PWWP3B: variants seen among roughly 807,000 people sequenced by gnomAD.
PWWP3B encodes the protein PWWP domain-containing DNA repair factor 3B.
PWWP3B carries 5 observed loss-of-function variants against 15.7 expected under a neutral mutation model. The observed-to-expected ratio is 0.32, with a 90% CI of 0.17 to 0.67. The LOEUF is 0.67. Among genes scored for constraint, PWWP3B ranks in the 30% least tolerant of loss-of-function variants. PWWP3B has a pLI of 0.74. For synonymous variants in PWWP3B, 203 were observed against 179.8 expected (o/e 1.13, Z -1.03); for missense variants, 519 against 493.1 (o/e 1.05, Z -0.50).
chrX:106,187,211 C>T (rs1223284870), intron 2 of PWWP3B, among the ~76,000 whole-genome samples: 1 of 112,195 alleles, frequency 8.9e-6, no homozygotes, highest in Non-Finnish European at 1.9e-5. Context: ...CCAGGAAGAA[C>T]TCTGAAGTTT....
chrX:106,195,889 A>T (rs1018852708), intron 2 of PWWP3B, among the ~76,000 whole-genome samples: 7 of 111,659 alleles, frequency 6.3e-5, no homozygotes, highest in African/African-American at 2.0e-4. Flanking sequence ...GAGATATAAC[A>T]TCCTAAAAAT....
chrX:106,183,379 A>G (rs909217748), intron 2 of PWWP3B, among the ~76,000 whole-genome samples: 2 of 111,496 alleles, frequency 1.8e-5, no homozygotes, highest in African/African-American at 6.5e-5. Flanking sequence ...ATTGCTTTTG[A>G]TAAGGAAAAG....
chrX:106,195,759 G>T (rs941129150), intron 2 of PWWP3B, among the ~76,000 whole-genome samples: 1 of 111,586 alleles, frequency 9.0e-6, no homozygotes, highest in African/African-American at 3.3e-5. Context: ...CTCAAAATTT[G>T]TCTGGCTGTT....
intron 2 of PWWP3B, among the ~76,000 whole-genome samples, chrX:106,189,577 G>C (rs1362441527): frequency 9.3e-6 from 1 of 107,903 alleles, no homozygotes; most frequent in Non-Finnish European, 1.9e-5. Context: ...TTTTATGGCT[G>C]CATAGTATTC....
chrX:106,190,820 G>A (rs1362078372), intron 2 of PWWP3B, among the ~76,000 whole-genome samples: 1 of 111,415 alleles, frequency 9.0e-6, no homozygotes, highest in African/African-American at 3.3e-5. Flanking sequence ...CCCATTGCTT[G>A]TTTTTCTCAG....
rs752705563 is a variant in PWWP3B, at chrX:106,207,096, A to G, written c.1664A>G (p.Asn555Ser). The change falls in exon 4 of 4, where the codon AAC (asparagine) becomes AGC (serine). Residue 555 changes from asparagine (N) to serine (S), a missense_variant. Transcript: ENST00000357175. The stretch of plus-strand genomic sequence containing the variant: ...GCTGCTCGGGACCGAGCCAACAAGA[A>G]CCTGGTGGACTTCATTGTGAATGCA... ...MKAARDRANK[N>S]LVDFIVNAKG... The G allele has an allele frequency of 8.3e-6, 10 of 1,205,088 alleles. No individual in the cohort carries two copies. The highest frequency in any genetic ancestry group is 1.0e-5 in the Non-Finnish European group (9 of 892,484).
At chrX:106,183,888 G>A (rs1336759989) in intron 2 of PWWP3B, among the ~76,000 whole-genome samples, 5 of 112,543 alleles carry the variant, frequency 4.4e-5, no homozygotes, top group African/African-American at 1.6e-4. Context: ...TTCTGGCCCA[G>A]AGAACCTTTG....
At chrX:106,187,705 C>T (rs1354917469) in intron 2 of PWWP3B, among the ~76,000 whole-genome samples, 2 of 111,556 alleles carry the variant, frequency 1.8e-5, no homozygotes, top group Non-Finnish European at 3.8e-5. Flanking sequence ...TCAGTTGTTA[C>T]TTGTCTGTGC....
chrX:106,203,900 A>G lies in PWWP3B; in HGVS notation c.-400-85A>G, dbSNP rs745613021. The G allele has an allele frequency of 2.0e-4, 23 of 112,579 alleles. No homozygotes were observed. In the South Asian group the frequency reaches 8.4e-3, roughly 41 times the overall value. The allele number at this position is 112,579 out of a possible 1,213,427, so 9.3% of individuals were successfully genotyped here. A position where few individuals can be genotyped will look rare whatever the true frequency, so the allele number is the denominator to read the frequency against. On this transcript the variant is annotated intron_variant, in intron 2 of 3. Coordinates refer to ENST00000357175, the MANE Select transcript of PWWP3B (RefSeq NM_001171020.2). Reference sequence around the variant, plus strand: ...TGCCTCATTCCTATGTTTTAGAATGACATGCCTGTTAAAGTTTAGGTAGGG... The same window carrying G: ...TGCCTCATTCCTATGTTTTAGAATGGCATGCCTGTTAAAGTTTAGGTAGGG...
At chrX:106,193,546 G>A (rs1923151539) in intron 2 of PWWP3B, among the ~76,000 whole-genome samples, 1 of 111,565 alleles carries the variant, frequency 9.0e-6, no homozygotes, top group African/African-American at 3.3e-5. Flanking sequence ...TACATTTAAA[G>A]TTAATATTGT....
intron 2 of PWWP3B, among the ~76,000 whole-genome samples, chrX:106,177,051 A>G (rs1250832810): frequency 8.8e-6 from 1 of 113,045 alleles, no homozygotes; most frequent in Non-Finnish European, 1.9e-5. Flanking sequence ...AGTCTTTATT[A>G]TATGGTAAAG....
intron 2 of PWWP3B, among the ~76,000 whole-genome samples, chrX:106,192,009 G>T (rs1388097800): frequency 3.6e-5 from 4 of 111,093 alleles, no homozygotes; most frequent in African/African-American, 1.3e-4. Flanking sequence ...TGTCTTTTTT[G>T]GTTGTGTCTC....
chrX:106,185,719 C>G (rs1922468816), intron 2 of PWWP3B, among the ~76,000 whole-genome samples: 1 of 112,080 alleles, frequency 8.9e-6, no homozygotes. Context: ...TACCCCTGTC[C>G]TATAAAGATG....
chrX:106,176,409 A>G (rs1410950888), intron 2 of PWWP3B, among the ~76,000 whole-genome samples: 1 of 111,716 alleles, frequency 9.0e-6, no homozygotes, highest in African/African-American at 3.3e-5. Flanking sequence ...CAAACCTACC[A>G]AAATAGCCTA....
At chrX:106,201,515 A>G (rs2147633685) in intron 2 of PWWP3B, among the ~76,000 whole-genome samples, 1 of 112,720 alleles carries the variant, frequency 8.9e-6, no homozygotes. Context: ...CACACACCCT[A>G]AGGTTTTGAA....
chrX:106,182,703 G>T (rs1365804558), intron 2 of PWWP3B, among the ~76,000 whole-genome samples: 1 of 108,727 alleles, frequency 9.2e-6, no homozygotes, highest in African/African-American at 3.4e-5. Context: ...GGGATGAAAA[G>T]CCATTCACTA....
chrX:106,206,639 T>C lies in PWWP3B; in HGVS notation c.1207T>C (p.Tyr403His). ...GMIVWFKYQKYPFWPAVIKSI... is the reference protein window; with the variant it reads ...GMIVWFKYQKHPFWPAVIKSI... ...GATAGTCTGGTTTAAATATCAGAAA[T>C]ATCCATTTTGGCCAGCAGTGATAAA... Residue 403 changes from tyrosine to histidine, a missense_variant, in exon 4 of 4, where the codon TAT becomes CAT. Coordinates refer to ENST00000357175, the MANE Select transcript of PWWP3B (RefSeq NM_001171020.2). 8.3e-7 allele frequency: 1 copy of C among 1,209,823 alleles called. No individual in the cohort carries two copies.
intron 2 of PWWP3B, among the ~76,000 whole-genome samples, chrX:106,193,138 G>T (rs1923113400): frequency 9.0e-6 from 1 of 111,290 alleles, no homozygotes; most frequent in Non-Finnish European, 1.9e-5. Context: ...TGAGAGTGGG[G>T]TGTTAAAGTC....
intron 2 of PWWP3B, among the ~76,000 whole-genome samples, chrX:106,185,697 G>C (rs1404394152): frequency 8.9e-6 from 1 of 111,956 alleles, no homozygotes; most frequent in Non-Finnish European, 1.9e-5. Flanking sequence ...TCTCCTGTTA[G>C]TATTGGGACC....
Sources: gnomAD v4.1 joint callset for allele counts (sites outside exome capture counted in the v4.1 genomes callset) on GRCh38, gnomAD v4.1.1 for gene constraint, MANE v1.5 for transcripts, NCBI Gene and HGNC (gene_info 2026-07-23, HGNC 2026-07-21) for gene names.